The following PBX4 variants were observed in gnomAD, a reference collection of about 807,000 sequenced individuals.
PBX4 encodes the protein PBX homeobox 4.
PBX4 carries 26 observed loss-of-function variants against 35.1 expected under a neutral mutation model. The ratio of observed to expected loss-of-function variants is 0.74; its 90% CI spans 0.54 to 1.03. The LOEUF is 1.03. Ranked by LOEUF, PBX4 falls within the 50% of genes least tolerant of loss-of-function variation. PBX4 has a pLI of 0.00. For missense variants in PBX4, 448 were observed against 504.3 expected, an observed-to-expected ratio of 0.89 and a Z score of 1.07; for synonymous variants, 199 against 204.2, an observed-to-expected ratio of 0.97 and a Z score of 0.22.
At chr19:19,583,265 C>T (rs1036943684) in intron 2 of PBX4, among the ~76,000 whole-genome samples, 4 of 151,590 alleles carry the variant, frequency 2.6e-5, no homozygotes, top group South Asian at 4.2e-4. Context: ...GGCAACAAAG[C>T]GAGACTCCGT....
intron 1 of PBX4, among the ~76,000 whole-genome samples, chr19:19,604,115 A>C (rs1178275923): frequency 2.6e-5 from 4 of 152,146 alleles, no homozygotes; most frequent in Non-Finnish European, 5.9e-5. Flanking sequence ...CCATTATTAA[A>C]AGCCACAGCT....
intron 2 of PBX4, among the ~76,000 whole-genome samples, chr19:19,574,836 C>T (rs1051719314): frequency 3.3e-5 from 5 of 151,966 alleles, no homozygotes; most frequent in East Asian, 1.9e-4. Context: ...AGAATTCAAT[C>T]GTTTATTGAT....
chr19:19,575,804 C>G (rs1467398666), intron 2 of PBX4, among the ~76,000 whole-genome samples: 1 of 152,154 alleles, frequency 6.6e-6, no homozygotes, highest in East Asian at 1.9e-4. Context: ...GTCCCACGTG[C>G]CCCTGAATCT....
intron 1 of PBX4, among the ~76,000 whole-genome samples, chr19:19,605,072 T>C (rs1390446680): frequency 2.0e-5 from 3 of 151,656 alleles, no homozygotes; most frequent in Non-Finnish European, 4.4e-5. Flanking sequence ...TATATTTTAA[T>C]ATAAAAATAG....
intron 2 of PBX4, among the ~76,000 whole-genome samples, chr19:19,593,797 C>T (rs552674472): frequency 1.3e-5 from 2 of 152,184 alleles, no homozygotes; most frequent in Admixed American, 6.6e-5. Flanking sequence ...TGCTCTGAGC[C>T]CTGCAGCGGC....
chr19:19,579,979 C>CG (rs2061443885), intron 2 of PBX4: 1 of 152,428 alleles, frequency 6.6e-6, no homozygotes, highest in Non-Finnish European at 1.5e-5. Flanking sequence ...GCGTTGGAGA[C>CG]GGATTAAACT....
rs562390443 is a variant in PBX4 at position 19,561,876 on chromosome 19, C to T, written c.*149G>A. 7.9e-5 allele frequency: 46 copies of T among 584,718 alleles called. No homozygotes were observed. The South Asian group carries it at 7.9e-4, about 10-fold the overall frequency. 36.2% of individuals were successfully genotyped at this position (584,718 alleles called of 1,614,324 possible). On this transcript the variant is annotated 3_prime_UTR_variant, in exon 8 of 8. Coordinates refer to ENST00000251203, the MANE Select transcript of PBX4 (RefSeq NM_025245.3). ...GAGTCGCAGCAGACACATGAGCCGG[C>T]GCCACGGGCCTGGCTGAGGAGCAGG...
At position 19,563,610 on chromosome 19, in the gene PBX4, A is replaced by AG; in HGVS notation, c.930dup (p.Ser311LeufsTer38). The stretch of plus-strand genomic sequence containing the variant: ...GCGCTGGGCAGCGGGAAGGGTCCAG[A>AG]GGAGCCTGGAAGAGATGGGAGCCGG... On this transcript the variant is annotated frameshift_variant, in exon 7 of 8. Transcript: ENST00000251203. LOFTEE classifies it high-confidence loss of function. This position sits in a 1 kb window ranked among gnomAD's most constrained non-coding sequence, Gnocchi z 5.1. 6.5e-7 allele frequency: 1 copy of AG among 1,549,294 alleles called. No homozygotes were observed.
Position 19,569,540 on chromosome 19 carries a change from T to C in PBX4, c.677A>G (p.Asn226Ser), listed in dbSNP as rs200360885. The change falls in exon 5 of 8, where the codon AAT becomes AGT. Residue 226 changes from asparagine to serine, a missense_variant. By Grantham distance (46) the Asn-to-Ser change is conservative. Transcript: ENST00000251203. ...NFSKQATEVLNEYFYSHLNNP... is the reference protein window; with the variant it reads ...NFSKQATEVLSEYFYSHLNNP... ...GTTCAGATGGGAGTAAAAATACTCA[T>C]TCAGCACTTCCGTCGCCTGCTTGCT... 112 of 1,613,872 alleles carry C rather than the reference T, an allele frequency of 6.9e-5. No homozygotes were observed. The East Asian group carries it at 1.8e-3, about 26-fold the overall frequency.
intron 2 of PBX4, among the ~76,000 whole-genome samples, chr19:19,583,121 C>T (rs535754330): frequency 6.6e-6 from 1 of 152,040 alleles, no homozygotes; most frequent in African/African-American, 2.4e-5. Context: ...AGTTCAAGAC[C>T]AACCTGACCA....
chr19:19,566,719 T>C (rs1484936965), intron 5 of PBX4, among the ~76,000 whole-genome samples: 6 of 121,628 alleles, frequency 4.9e-5, no homozygotes, highest in South Asian at 2.6e-4. Flanking sequence ...TTTTTTTTTT[T>C]CGGAGACGGA....
intron 2 of PBX4, among the ~76,000 whole-genome samples, chr19:19,572,651 G>A (rs1437161618): frequency 6.6e-6 from 1 of 151,292 alleles, no homozygotes; most frequent in Non-Finnish European, 1.5e-5. Flanking sequence ...GATCACCTGA[G>A]GTCGGGAGTT....
chr19:19,565,148 A>C, intron 5 of PBX4, 59 bp from the exon 6 acceptor site: 1 of 1,607,824 alleles, frequency 6.2e-7, no homozygotes, highest in Non-Finnish European at 8.5e-7. Flanking sequence ...GACACGACGC[A>C]GTCTGTGGGT....
chr19:19,585,499 C>T (rs1053859945), intron 2 of PBX4, among the ~76,000 whole-genome samples: 1 of 152,076 alleles, frequency 6.6e-6, no homozygotes, highest in African/African-American at 2.4e-5. Flanking sequence ...GGCAAATCTC[C>T]GTCATCTCTA....
At chr19:19,616,961 C>T (rs547844144) in intron 1 of PBX4, among the ~76,000 whole-genome samples, 4 of 152,206 alleles carry the variant, frequency 2.6e-5, no homozygotes, top group African/African-American at 9.6e-5. Context: ...GGATTACAGG[C>T]GTGAGCCACC....
intron 2 of PBX4, among the ~76,000 whole-genome samples, chr19:19,595,308 T>G (rs1599369265): frequency 6.6e-6 from 1 of 152,088 alleles, no homozygotes; most frequent in African/African-American, 2.4e-5. Context: ...CTCCAGGGGG[T>G]GGATACACAT....
chr19:19,613,530 A>G (rs2144796546), intron 1 of PBX4, among the ~76,000 whole-genome samples: 1 of 151,934 alleles, frequency 6.6e-6, no homozygotes, highest in Middle Eastern at 3.4e-3. Context: ...CTAGAATCTC[A>G]GGAGATTGCT....
Position 19,562,545 on chromosome 19 carries a change from G to T in PBX4, c.1033-428C>A, listed in dbSNP as rs2061313911. 6.6e-6 allele frequency among the ~76,000 whole-genome samples: 1 copy of T among 152,134 alleles called. No homozygotes were observed. The highest frequency in any genetic ancestry group is 2.1e-4 in the South Asian group (1 of 4,826). On this transcript the variant is annotated intron_variant, in intron 7 of 7. Transcript: ENST00000251203. The surrounding 1 kb of genome is among the most constrained non-coding windows in gnomAD (Gnocchi z 4.8). The stretch of plus-strand genomic sequence containing the variant: ...ACTGGCCTGGCTGGGCAGCAAGGAG[G>T]GTGGGAGGCAACCACTTGTCATAAG...
Position 19,561,901 on chromosome 19 carries a change from G to C in PBX4, c.*124C>G. ...CGCCACGGGCCTGGCTGAGGAGCAGGGGCTCATGGGCACCACCACCCATCT... is the reference window on the plus strand; with the variant it reads ...CGCCACGGGCCTGGCTGAGGAGCAGCGGCTCATGGGCACCACCACCCATCT... On this transcript the variant is annotated 3_prime_UTR_variant, in exon 8 of 8. Transcript: ENST00000251203. The C allele has an allele frequency of 1.4e-6, 1 of 736,526 alleles. No homozygotes were observed. Among genetic ancestry groups the C allele is most frequent in the Non-Finnish European group, 2.2e-6 (1 of 463,516 alleles). 45.6% of individuals were successfully genotyped at this position (736,526 alleles called of 1,614,324 possible).
Sources: allele counts gnomAD v4.1 joint callset (sites outside exome capture counted in the v4.1 genomes callset), GRCh38; gene constraint gnomAD v4.1.1; non-coding constraint Gnocchi (gnomAD v3.1); transcripts MANE v1.5; gene names NCBI Gene and HGNC (gene_info 2026-07-23, HGNC 2026-07-21).